The following DLGAP2 variants were observed in gnomAD, a reference collection of about 807,000 sequenced individuals.
DLGAP2 encodes the protein disks large-associated protein 2.
Under a neutral mutation model 100.3 loss-of-function variants are expected in DLGAP2, and 26 were observed. That is an observed-to-expected ratio of 0.26 (90% confidence interval 0.19 to 0.36). The LOEUF (loss-of-function observed/expected upper bound fraction) is 0.36. Ranked by LOEUF, DLGAP2 falls within the 10% of genes least tolerant of loss-of-function variation. The pLI is 1.00. For missense variants in DLGAP2, 1,858 were observed against 1,453.2 expected (o/e 1.28, Z -4.53); for synonymous variants, 886 against 630.1 (o/e 1.41, Z -6.08).
At chr8:1,159,952 A>C (rs1796858275) in intron 2 of DLGAP2, among the ~76,000 whole-genome samples, 1 of 152,264 alleles carries the variant, frequency 6.6e-6, no homozygotes, top group South Asian at 2.1e-4. Context: ...AAATTTAAAT[A>C]AGCATCACCT....
chr8:1,554,321 TAAA>T, intron 5 of DLGAP2, among the ~76,000 whole-genome samples: 1 of 151,972 alleles, frequency 6.6e-6, no homozygotes, highest in African/African-American at 2.4e-5. Flanking sequence ...AATAAATAAA[TAAA>T]TAAAATGGTT....
chr8:1,462,382 AGAAGGGTG>A (rs1798484567), intron 3 of DLGAP2, among the ~76,000 whole-genome samples: 1 of 90,744 alleles, frequency 1.1e-5, no homozygotes, highest in Non-Finnish European at 2.2e-5. Flanking sequence ...AGGAGGAGGG[AGAAGGGTG>A]GCATTCGGGT....
intron 1 of DLGAP2, among the ~76,000 whole-genome samples, chr8:748,219 C>G (rs552146712): frequency 1.6e-4 from 6 of 36,402 alleles, no homozygotes; most frequent in African/African-American, 2.9e-4. Context: ...GTGGGATGAG[C>G]GGGTCTGCGG....
chr8:1,184,706 A>C (rs1321902224), intron 2 of DLGAP2, among the ~76,000 whole-genome samples: 1 of 152,066 alleles, frequency 6.6e-6, no homozygotes, highest in Non-Finnish European at 1.5e-5. Context: ...GAGCAGGAGG[A>C]GGCTCAGGGC....
At chr8:1,555,695 G>T (rs1801941352) in intron 5 of DLGAP2, among the ~76,000 whole-genome samples, 1 of 152,236 alleles carries the variant, frequency 6.6e-6, no homozygotes, top group African/African-American at 2.4e-5. Context: ...TCATCGCTGG[G>T]AGCAGCTTGG....
intron 3 of DLGAP2, among the ~76,000 whole-genome samples, chr8:1,349,662 G>T (rs1476042828): frequency 4.5e-5 from 2 of 44,748 alleles, no homozygotes; most frequent in African/African-American, 6.1e-5. Context: ...AGGAAGGGGT[G>T]TTTGAGGGAG....
Position 1,081,409 on chromosome 8 carries a change from T to G in DLGAP2, c.73+173443T>G, listed in dbSNP as rs190124608. 8.5e-4 allele frequency among the ~76,000 whole-genome samples: 130 copies of G among 152,332 alleles called. 1 individual carries two copies. Among genetic ancestry groups the G allele is most frequent in the African/African-American group, 3.0e-3 (124 of 41,582 alleles). ...CTCTGTCGCCCAGGTTGGAGTGCAG[T>G]GGCGCAGCCTTGGCTCACTGCAACC... On this transcript the variant is annotated intron_variant, in intron 2 of 14. Transcript: ENST00000637795.
chr8:1,319,540 G>A (rs940143156), intron 3 of DLGAP2, among the ~76,000 whole-genome samples: 11 of 152,206 alleles, frequency 7.2e-5, no homozygotes, highest in African/African-American at 2.7e-4. Flanking sequence ...TACAGCATGA[G>A]TTAAAAGTCA....
chr8:873,093 C>T (rs1280088801), intron 1 of DLGAP2, among the ~76,000 whole-genome samples: 1 of 152,186 alleles, frequency 6.6e-6, no homozygotes, highest in African/African-American at 2.4e-5. Flanking sequence ...CTCCCACATA[C>T]TTTAAATCAT....
At chr8:1,519,055 C>T (rs903086906) in intron 4 of DLGAP2, among the ~76,000 whole-genome samples, 2 of 152,138 alleles carry the variant, frequency 1.3e-5, no homozygotes, top group Non-Finnish European at 2.9e-5. Flanking sequence ...AGATAGGAGC[C>T]TGTGGTCCCT....
rs192581491 is a variant in DLGAP2 at position 1,350,156 on chromosome 8, A to G, written c.106+91273A>G. On this transcript the variant is annotated intron_variant, in intron 3 of 14. Transcript: ENST00000637795. ...GGAAGAAATAAAAACATCCCCGACT[A>G]CTTCATGCTCTTGTGGCGTGGAAAG... Among the ~76,000 whole-genome samples the G allele has an allele frequency of 1.2e-3, 176 of 151,920 alleles. 1 individual carries two copies. Among genetic ancestry groups the G allele is most frequent in the African/African-American group, 4.1e-3 (170 of 41,336 alleles).
intron 8 of DLGAP2, among the ~76,000 whole-genome samples, chr8:1,648,258 C>T (rs967037026): frequency 2.0e-5 from 3 of 152,194 alleles, no homozygotes; most frequent in Admixed American, 6.5e-5. Flanking sequence ...GCCTTGGCAT[C>T]GACTTGAGCC....
intron 2 of DLGAP2, among the ~76,000 whole-genome samples, chr8:1,253,132 C>T (rs1416720697): frequency 6.6e-6 from 1 of 152,200 alleles, no homozygotes; most frequent in African/African-American, 2.4e-5. Context: ...ATGCTCTTTG[C>T]ATTCATGGCT....
At chr8:1,094,830 G>T (rs1020919251) in intron 2 of DLGAP2, among the ~76,000 whole-genome samples, 1 of 152,254 alleles carries the variant, frequency 6.6e-6, no homozygotes. Flanking sequence ...TGTACTGAGA[G>T]TATACAGGGA....
chr8:1,622,339 C>T (rs964529415), intron 6 of DLGAP2: 1 of 152,208 alleles, frequency 6.6e-6, no homozygotes, highest in Admixed American at 6.5e-5. Context: ...GCACAACCTG[C>T]ATAGAATCCT....
chr8:887,652 G>A (rs1302053870), intron 1 of DLGAP2, among the ~76,000 whole-genome samples: 1 of 152,176 alleles, frequency 6.6e-6, no homozygotes, highest in East Asian at 1.9e-4. Context: ...GGCTGGATAT[G>A]AAATTCTGGA....
chr8:1,294,145 C>A (rs1189323109), intron 3 of DLGAP2, among the ~76,000 whole-genome samples: 2 of 152,196 alleles, frequency 1.3e-5, no homozygotes, highest in African/African-American at 4.8e-5. Flanking sequence ...CCTCCCGAAA[C>A]TGTATGGAGG....
intron 3 of DLGAP2, among the ~76,000 whole-genome samples, chr8:1,498,562 C>T (rs980846632): frequency 6.6e-6 from 1 of 152,164 alleles, no homozygotes; most frequent in East Asian, 1.9e-4. Flanking sequence ...GGAATTTGGG[C>T]AAGAGCAGAA....
At chr8:1,183,119 G>A (rs571676849) in intron 2 of DLGAP2, among the ~76,000 whole-genome samples, 3 of 152,146 alleles carry the variant, frequency 2.0e-5, no homozygotes, top group Admixed American at 6.5e-5. Flanking sequence ...CGATTCCCTC[G>A]AGATGCCTTG....
Sources: allele counts gnomAD v4.1 joint callset (sites outside exome capture counted in the v4.1 genomes callset), GRCh38; gene constraint gnomAD v4.1.1; transcripts MANE v1.5; gene names NCBI Gene and HGNC (gene_info 2026-07-23, HGNC 2026-07-21).